SLC39A12: variants seen among roughly 807,000 people sequenced by gnomAD.
The protein encoded by SLC39A12 is zinc transporter ZIP12.
A neutral mutation model predicts 71.1 loss-of-function variants in SLC39A12; 63 were observed. The observed-to-expected ratio is 0.89, with a 90% confidence interval of 0.72 to 1.09. SLC39A12 has a LOEUF of 1.09. Among genes scored for constraint, SLC39A12 ranks in the 50% least tolerant of loss-of-function variants. The probability of loss-of-function intolerance (pLI) is 0.00; values close to 1 mark genes in which losing one functional copy is unlikely to be tolerated. For missense variants in SLC39A12, 892 were observed against 812.6 expected (o/e 1.10, Z -1.19); for synonymous variants, 351 against 301.3 (o/e 1.16, Z -1.71).
chr10:17,966,931 G>A (rs572040595), intron 4 of SLC39A12, among the ~76,000 whole-genome samples: 2,081 of 151,576 alleles, frequency 0.014, 40 homozygotes, highest in African/African-American at 0.043. Flanking sequence ...TCGAGATTGC[G>A]CCACTGCACT....
At chr10:17,953,795 C>T (rs1834468610) in intron 2 of SLC39A12, among the ~76,000 whole-genome samples, 2 of 152,134 alleles carry the variant, frequency 1.3e-5, no homozygotes, top group Admixed American at 1.3e-4. Flanking sequence ...TATTTAGAGG[C>T]ATTTATTTGT....
intron 11 of SLC39A12, among the ~76,000 whole-genome samples, chr10:18,001,159 A>G (rs1835823152): frequency 6.6e-6 from 1 of 152,162 alleles, no homozygotes; most frequent in Admixed American, 6.6e-5. Context: ...TGTGAGAAAA[A>G]TATTAGGAGG....
rs150700069 is a variant in SLC39A12 at position 17,961,612 on chromosome 10, C to T, written c.293C>T (p.Ala98Val). The change falls in exon 3 of 13, where the codon GCT becomes GTT. Residue 98 changes from alanine to valine, a missense_variant. By Grantham distance (64) the Ala-to-Val change is moderately conservative (BLOSUM62 0). Transcript: ENST00000377369. Reference protein sequence around the residue: ...CFEPDALLLIAGGNFEDQLRE... With the variant: ...CFEPDALLLIVGGNFEDQLRE... ...GAACCAGATGCACTATTACTAATAG[C>T]TGGAGGAAATTTTGAAGATCAGCTT... is the stretch of plus-strand genomic sequence containing the variant. The T allele has an allele frequency of 9.3e-6, 15 of 1,613,502 alleles. No homozygotes were observed. The highest frequency in any genetic ancestry group is 1.3e-5 in the African/African-American group (1 of 74,868).
intron 12 of SLC39A12, among the ~76,000 whole-genome samples, chr10:18,033,880 C>G (rs1161287716): frequency 6.6e-6 from 1 of 152,048 alleles, no homozygotes; most frequent in Non-Finnish European, 1.5e-5. Context: ...CAAAGAACAT[C>G]TTTAATTCTG....
intron 12 of SLC39A12, chr10:18,005,555 TTCTC>T (rs1835989532): frequency 2.0e-5 from 3 of 152,356 alleles, no homozygotes; most frequent in Admixed American, 2.0e-4. Flanking sequence ...CACAGACTGG[TTCTC>T]TCTTCAAGTA....
At chr10:17,973,410 T>C (rs1412515432) in intron 4 of SLC39A12, among the ~76,000 whole-genome samples, 1 of 152,196 alleles carries the variant, frequency 6.6e-6, no homozygotes, top group African/African-American at 2.4e-5. Flanking sequence ...GCATTTCTTA[T>C]AGGACTGGTC....
At chr10:18,028,082 T>C (rs902684998) in intron 12 of SLC39A12, among the ~76,000 whole-genome samples, 1 of 152,236 alleles carries the variant, frequency 6.6e-6, no homozygotes, top group Non-Finnish European at 1.5e-5. Flanking sequence ...TTAGGATCCC[T>C]CTTGGAAACA....
At chr10:17,954,243 G>A (rs782094636) in intron 2 of SLC39A12, among the ~76,000 whole-genome samples, 2 of 152,084 alleles carry the variant, frequency 1.3e-5, no homozygotes, top group Non-Finnish European at 2.9e-5. Flanking sequence ...GTCTCTCCAG[G>A]TTATTATTTA....
chr10:17,995,586 G>A, intron 9 of SLC39A12, 70 bp from the exon 10 acceptor site: 3 of 1,407,174 alleles, frequency 2.1e-6, no homozygotes, highest in Non-Finnish European at 3.0e-6. Flanking sequence ...TAACTCTCCA[G>A]ATGTTTCATT....
At chr10:17,977,538 T>C (rs983263938) in intron 4 of SLC39A12, among the ~76,000 whole-genome samples, 2 of 152,222 alleles carry the variant, frequency 1.3e-5, no homozygotes, top group African/African-American at 4.8e-5. Flanking sequence ...TCTAGTTTGT[T>C]TCTAGAATCT....
Position 17,965,660 on chromosome 10 carries a change from T to C in SLC39A12, c.721T>C (p.Leu241=). The C allele has an allele frequency of 6.2e-7, 1 of 1,614,104 alleles. No individual in the cohort carries two copies. The highest frequency in any genetic ancestry group is 8.5e-7 in the Non-Finnish European group (1 of 1,179,962). Residue 241 remains leucine (L), a synonymous_variant, in exon 4 of 13, where the codon TTG becomes CTG. Transcript: ENST00000377369. The stretch of plus-strand genomic sequence containing the variant: ...CTTTACAGAATATATTTTCAGTTCC[T>C]TGAATCGTACGAATACCCTCCGCCT... The part of the protein sequence containing the change: ...DYFTEYIFSS[L]NRTNTLRLSE...
chr10:17,953,837 G>A (rs1245613045), intron 2 of SLC39A12, among the ~76,000 whole-genome samples: 2 of 152,164 alleles, frequency 1.3e-5, no homozygotes, highest in African/African-American at 4.8e-5. Context: ...TTTTCTGATT[G>A]ACTAATCTTT....
rs150143193 is a variant in SLC39A12 at position 17,996,284 on chromosome 10, C to T, written c.1600+562C>T. Among the ~76,000 whole-genome samples the T allele has an allele frequency of 4.5e-3, 683 of 151,968 alleles. 10 individuals are homozygous for T. The highest frequency in any genetic ancestry group is 0.016 in the African/African-American group (655 of 41,438). ...TTTTTTTCTTCTGCATTTAATTTAC[C>T]AATTTTGGATAGAACTTTATTAACC... is the stretch of plus-strand genomic sequence containing the variant. On this transcript the variant is annotated intron_variant, in intron 10 of 12. Coordinates refer to ENST00000377369, the MANE Select transcript of SLC39A12 (RefSeq NM_001145195.2).
chr10:17,992,249 G>C (rs1835573196), intron 8 of SLC39A12, among the ~76,000 whole-genome samples: 1 of 152,060 alleles, frequency 6.6e-6, no homozygotes, highest in Non-Finnish European at 1.5e-5. Flanking sequence ...TGATAAAATA[G>C]ATTTAATAAA....
Position 17,991,140 on chromosome 10 carries a change from T to TTTCCCC in SLC39A12, c.1270-10_1270-9insTCCCCT. The TTTCCCC allele has an allele frequency of 6.5e-7, 1 of 1,534,118 alleles. No homozygotes were observed. The highest frequency in any genetic ancestry group is 8.7e-7 in the Non-Finnish European group (1 of 1,152,342). ...TTCTCTCTGCCTTTTTTTTTTTTTT[T>TTTCCCC]TCCCCTGAAGGTTCTTGGTTTACAT... is the stretch of plus-strand genomic sequence containing the variant. On this transcript the variant is annotated splice_polypyrimidine_tract_variant and intron_variant, in intron 7 of 12. Coordinates refer to ENST00000377369, the MANE Select transcript of SLC39A12 (RefSeq NM_001145195.2).
Position 17,993,310 on chromosome 10 carries a change from G to A in SLC39A12, c.1533+19G>A, listed in dbSNP as rs1835602703. 8 of 1,437,518 alleles carry A rather than the reference G, an allele frequency of 5.6e-6. No individual in the cohort carries two copies. Among genetic ancestry groups the A allele is most frequent in the Non-Finnish European group, 7.7e-6 (8 of 1,043,012 alleles). The allele number at this position is 1,437,518 out of a possible 1,614,324, so 89.0% of individuals were successfully genotyped here. On this transcript the variant is annotated intron_variant, in intron 9 of 12. Coordinates refer to ENST00000377369, the MANE Select transcript of SLC39A12 (RefSeq NM_001145195.2). Reference sequence around the variant, plus strand: ...CCAGTTGGTAGGTTCCTGATCTGAAGCATTCTACTGATCTGATTACCTTCT... The same window carrying A: ...CCAGTTGGTAGGTTCCTGATCTGAAACATTCTACTGATCTGATTACCTTCT...
intron 4 of SLC39A12, among the ~76,000 whole-genome samples, chr10:17,976,493 C>G (rs1017827294): frequency 1.3e-5 from 2 of 152,220 alleles, no homozygotes; most frequent in Non-Finnish European, 2.9e-5. Context: ...TCTCAGCTCA[C>G]TGCAACCTCC....
chr10:18,041,085 C>T (rs7075486), intron 12 of SLC39A12, among the ~76,000 whole-genome samples: 2 of 152,136 alleles, frequency 1.3e-5, no homozygotes, highest in Non-Finnish European at 2.9e-5. Context: ...TGACACGAGC[C>T]TGTGTCCCAA....
intron 12 of SLC39A12, among the ~76,000 whole-genome samples, chr10:18,015,381 A>C (rs933489426): frequency 6.6e-6 from 1 of 152,222 alleles, no homozygotes; most frequent in African/African-American, 2.4e-5. Flanking sequence ...ATATGTGAAT[A>C]AGTGAATACT....
Sources: allele counts gnomAD v4.1 joint callset (sites outside exome capture counted in the v4.1 genomes callset), GRCh38; gene constraint gnomAD v4.1.1; transcripts MANE v1.5; gene names NCBI Gene and HGNC (gene_info 2026-07-23, HGNC 2026-07-21).